UBR1: variants seen among roughly 807,000 people sequenced by gnomAD.
UBR1 encodes ubiquitin protein ligase E3 component n-recognin 1.
A neutral mutation model predicts 242.1 loss-of-function variants in UBR1; 102 were observed. That is an observed-to-expected ratio of 0.42 (90% CI 0.36 to 0.50). The LOEUF (loss-of-function observed/expected upper bound fraction) is 0.50. Among genes scored for constraint, UBR1 ranks in the 20% least tolerant of loss-of-function variants. UBR1 has a pLI of 0.01. For missense variants in UBR1, 1,772 were observed against 2,101.8 expected (o/e 0.84, Z 3.07); for synonymous variants, 675 against 684.8 (o/e 0.99, Z 0.22).
intron 32 of UBR1, among the ~76,000 whole-genome samples, chr15:43,001,366 C>T (rs1380132829): frequency 6.6e-6 from 1 of 152,166 alleles, no homozygotes; most frequent in East Asian, 1.9e-4. Flanking sequence ...CCAGGCTGGT[C>T]TCCAACTCCT....
intron 21 of UBR1, 40 bp downstream of exon 21, chr15:43,029,904 A>G: frequency 6.2e-7 from 1 of 1,612,662 alleles, no homozygotes; most frequent in Non-Finnish European, 8.5e-7. Context: ...CATCTACCCC[A>G]TCTTGAGGTA....
chr15:43,081,826 T>C lies in UBR1; in HGVS notation c.417+812A>G, dbSNP rs968567306. 3.3e-5 allele frequency among the ~76,000 whole-genome samples: 5 copies of C among 152,110 alleles called. No homozygotes were observed. In the East Asian group the frequency reaches 9.6e-4, roughly 29 times the overall value. ...TCCAGTAATTCCACTTCTGAGAACC[T>C]ATCCTAAGGAAATAATCCTACATAT... is the stretch of plus-strand genomic sequence containing the variant. On this transcript the variant is annotated intron_variant, in intron 3 of 46. Coordinates refer to ENST00000290650, the MANE Select transcript of UBR1 (RefSeq NM_174916.3).
intron 37 of UBR1, among the ~76,000 whole-genome samples, chr15:42,979,665 C>A (rs934545405): frequency 6.6e-6 from 1 of 152,162 alleles, no homozygotes; most frequent in Non-Finnish European, 1.5e-5. Context: ...ATCCTCCTGC[C>A]TCAGCCTCCC....
intron 46 of UBR1, 32 bp from the exon 47 acceptor site, chr15:42,945,502 G>C: frequency 6.2e-7 from 1 of 1,612,432 alleles, no homozygotes; most frequent in Non-Finnish European, 8.5e-7. Flanking sequence ...CAACATGTAA[G>C]TTTGAATCTA....
At chr15:43,018,393 C>A (rs1319433502) in intron 27 of UBR1, among the ~76,000 whole-genome samples, 1 of 152,052 alleles carries the variant, frequency 6.6e-6, no homozygotes, top group Non-Finnish European at 1.5e-5. Context: ...TTCATTAATT[C>A]ATTAATTCAT....
chr15:42,950,473 C>A, intron 45 of UBR1, 110 bp from the exon 46 acceptor site: 1 of 858,872 alleles, frequency 1.2e-6, no homozygotes, highest in East Asian at 2.5e-5. Context: ...GTTAGATATT[C>A]AGTAAAAAGA....
intron 45 of UBR1, among the ~76,000 whole-genome samples, chr15:42,951,025 C>T (rs2141249079): frequency 6.6e-6 from 1 of 152,292 alleles, no homozygotes; most frequent in Non-Finnish European, 1.5e-5. Flanking sequence ...TTGGGTTTGG[C>T]TTCCATACAT....
chr15:43,105,458 AG>A (rs1043798987), intron 1 of UBR1, among the ~76,000 whole-genome samples: 2 of 152,204 alleles, frequency 1.3e-5, no homozygotes, highest in African/African-American at 4.8e-5. Flanking sequence ...GGGGTTCCCA[AG>A]ATGCTATACG....
chr15:43,075,770 C>T (rs542712760), intron 3 of UBR1, among the ~76,000 whole-genome samples: 3,196 of 151,768 alleles, frequency 0.021, 133 homozygotes, highest in African/African-American at 0.074. Context: ...CATGCACCAC[C>T]ACGCCTGGCT....
In UBR1 at chr15:42,952,358, C is replaced by T; in HGVS notation, c.4926G>A (p.Gln1642=). 2 of 1,614,226 alleles carry T rather than the reference C, an allele frequency of 1.2e-6. No individual in the cohort carries two copies. The highest frequency in any genetic ancestry group is 1.7e-6 in the Non-Finnish European group (2 of 1,180,034). Residue 1642 remains glutamine, a synonymous_variant, in exon 45 of 47, where the codon CAG becomes CAA. Transcript: ENST00000290650. ...AILCSQNICC[Q]EIVNGEEVGA... ...CAACCTCTTCCCCGTTCACAATTTC[C>T]TGGCAGCAAATGTTCTGAGAACATA...
rs146380227 is a variant in UBR1, at chr15:42,989,953, A to G, written c.3848+77T>C. The G allele has an allele frequency of 5.7e-4, 579 of 1,009,646 alleles. 2 individuals are homozygous for G. The highest frequency in any genetic ancestry group is 7.4e-4 in the Non-Finnish European group (495 of 668,508). The allele number at this position is 1,009,646 out of a possible 1,614,324, so 62.5% of individuals were successfully genotyped here. The stretch of plus-strand genomic sequence containing the variant: ...ATTTTACAAATAAAAAAGTAAGGAA[A>G]GATGGAAGCCTACACTGTTTCCTAC... On this transcript the variant is annotated intron_variant, in intron 34 of 46. Coordinates refer to ENST00000290650, the MANE Select transcript of UBR1 (RefSeq NM_174916.3).
intron 1 of UBR1, among the ~76,000 whole-genome samples, chr15:43,088,278 G>C (rs1008932184): frequency 2.0e-5 from 3 of 152,108 alleles, no homozygotes; most frequent in African/African-American, 7.2e-5. Flanking sequence ...ACATCCACCA[G>C]ATGTGCACTA....
chr15:42,960,726 A>C (rs1489028758), intron 42 of UBR1, 25 bp from the exon 43 acceptor site: 1 of 1,611,678 alleles, frequency 6.2e-7, no homozygotes, highest in Non-Finnish European at 8.5e-7. Context: ...AAGAGAAAAG[A>C]CAAATGGATT....
At chr15:43,086,315 A>T in intron 1 of UBR1, 75 bp from the exon 2 acceptor site, 1 of 1,526,860 alleles carries the variant, frequency 6.5e-7, no homozygotes, top group Non-Finnish European at 8.9e-7. Context: ...AAATAATGAC[A>T]TAATTCTACA....
At chr15:43,090,073 G>A (rs183223853) in intron 1 of UBR1, among the ~76,000 whole-genome samples, 1 of 152,282 alleles carries the variant, frequency 6.6e-6, no homozygotes, top group Admixed American at 6.5e-5. Flanking sequence ...AACATTACAG[G>A]AAACAGAAAG....
At chr15:43,057,662 C>G (rs915891614) in intron 10 of UBR1, among the ~76,000 whole-genome samples, 4 of 152,102 alleles carry the variant, frequency 2.6e-5, no homozygotes, top group Admixed American at 6.6e-5. Flanking sequence ...CTAATTCCTG[C>G]CCCCCACTTT....
chr15:43,025,066 G>A (rs980409846), intron 24 of UBR1, 83 bp from the exon 25 acceptor site: 2 of 1,537,464 alleles, frequency 1.3e-6, no homozygotes, highest in Non-Finnish European at 1.8e-6. Context: ...AAGTGCAAAT[G>A]TCAAAAAATA....
intron 17 of UBR1, among the ~76,000 whole-genome samples, chr15:43,036,922 CT>C (rs199620473): frequency 0.039 from 5,507 of 140,800 alleles, 219 homozygotes; most frequent in African/African-American, 0.1. Context: ...CCATTTTTTT[CT>C]TTTTTTTTTT....
In UBR1 at chr15:42,943,695, CAATACAATTATATAAGAAACA is replaced by C. The variant is rs2031687330; in HGVS notation, c.*1613_*1633del. 2.0e-5 allele frequency: 3 copies of C among 152,194 alleles called. No individual in the cohort carries two copies. Among genetic ancestry groups the C allele is most frequent in the Admixed American group, 2.0e-4 (3 of 15,270 alleles). 9.4% of individuals were successfully genotyped at this position (152,194 alleles called of 1,614,324 possible). ...AGATTTCCCAGTCAAACAATCCACT[CAATACAATTATATAAGAAACA>C]AACACACATGTTCAAATACTTTCAT... is the stretch of plus-strand genomic sequence containing the variant. On this transcript the variant is annotated 3_prime_UTR_variant, in exon 47 of 47. Transcript: ENST00000290650.
Sources: allele counts gnomAD v4.1 joint callset (sites outside exome capture counted in the v4.1 genomes callset), GRCh38; gene constraint gnomAD v4.1.1; transcripts MANE v1.5; gene names NCBI Gene and HGNC (gene_info 2026-07-23, HGNC 2026-07-21).